The following DLK1 variants were observed in gnomAD, a reference collection of about 807,000 sequenced individuals.
DLK1 encodes delta like non-canonical Notch ligand 1, also known as protein delta homolog 1.
Under a neutral mutation model 35.2 loss-of-function variants are expected in DLK1, and 9 were observed. The ratio of observed to expected loss-of-function variants is 0.26; its 90% CI spans 0.15 to 0.45. The LOEUF (loss-of-function observed/expected upper bound fraction) is 0.45. Ranked by LOEUF, DLK1 falls within the 20% of genes least tolerant of loss-of-function variation. DLK1 has a pLI of 1.00. For missense variants in DLK1, 522 were observed against 528.5 expected (o/e 0.99, Z 0.12); for synonymous variants, 231 against 228.4 (o/e 1.01, Z -0.10).
chr14:100,729,191 C>T (rs765672755), intron 3 of DLK1, 125 bp downstream of exon 3: 1 of 1,472,962 alleles, frequency 6.8e-7, no homozygotes, highest in Non-Finnish European at 9.3e-7. Flanking sequence ...ACTCCGTGCC[C>T]TGTATTCTAA....
At chr14:100,731,717 C>T (rs1358655787) in intron 3 of DLK1, among the ~76,000 whole-genome samples, 1 of 152,112 alleles carries the variant, frequency 6.6e-6, no homozygotes, top group East Asian at 1.9e-4. Flanking sequence ...CACGCTGTTG[C>T]AGGGAGGGGC....
At chr14:100,728,719 C>A in intron 2 of DLK1, 1 of 710,126 alleles carries the variant, frequency 1.4e-6, no homozygotes, top group Non-Finnish European at 2.3e-6. Flanking sequence ...CAGCACTCCC[C>A]CGGGATCTCG....
intron 3 of DLK1, among the ~76,000 whole-genome samples, chr14:100,730,722 AGGAGCCTGACGC>A (rs2036497208): frequency 6.6e-6 from 1 of 152,240 alleles, no homozygotes. Flanking sequence ...GCAGAGAATA[AGGAGCCTGACGC>A]GGAGGCGCCA....
At position 100,737,380 on chromosome 14, in the gene DLK1, TA is replaced by T. The variant is rs1432714950; in HGVS notation, c.*2486del. The stretch of plus-strand genomic sequence containing the variant: ...AGCGTGAGACCTGGACTGAGCCTGC[TA>T]ACGATTCTGTTCCTCAGTTTCCCCA... On this transcript the variant is annotated 3_prime_UTR_variant, in exon 5 of 5. Coordinates refer to ENST00000341267, the MANE Select transcript of DLK1 (RefSeq NM_003836.7). 6.6e-6 allele frequency: 1 copy of T among 152,054 alleles called. No homozygotes were observed. Among genetic ancestry groups the T allele is most frequent in the African/African-American group, 2.4e-5 (1 of 41,416 alleles). 9.4% of individuals were successfully genotyped at this position (152,054 alleles called of 1,614,324 possible). A position where few individuals can be genotyped will look rare whatever the true frequency, so the allele number is the denominator to read the frequency against.
Position 100,726,979 on chromosome 14 carries a change from T to G in DLK1, c.-90T>G. On this transcript the variant is annotated 5_prime_UTR_variant, in exon 1 of 5. Coordinates refer to ENST00000341267, the MANE Select transcript of DLK1 (RefSeq NM_003836.7). The surrounding 1 kb of genome is among the most constrained non-coding windows in gnomAD (Gnocchi z 4.2). ...CCCTCGCTGCGCGCCCGCGCCCCCTTTCGCGTCCGCAACCAGAAGCCCAGT... is the reference window on the plus strand; with the variant it reads ...CCCTCGCTGCGCGCCCGCGCCCCCTGTCGCGTCCGCAACCAGAAGCCCAGT... The G allele has an allele frequency of 1.6e-6, 2 of 1,290,118 alleles. No homozygotes were observed. Among genetic ancestry groups the G allele is most frequent in the Non-Finnish European group, 2.0e-6 (2 of 990,522 alleles). 79.9% of individuals were successfully genotyped at this position (1,290,118 alleles called of 1,614,324 possible). A position where few individuals can be genotyped will look rare whatever the true frequency, so the allele number is the denominator to read the frequency against.
chr14:100,728,426 A>T lies in DLK1; in HGVS notation c.98A>T (p.Gln33Leu), dbSNP rs2036462499. The T allele has an allele frequency of 1.2e-6, 2 of 1,613,828 alleles. No individual in the cohort carries two copies. The highest frequency in any genetic ancestry group is 2.2e-5 in the South Asian group (2 of 91,076). ...GAATGCTTCCCGGCCTGCAACCCCC[A>T]AAATGGATTCTGCGAGGATGACAAT... ...GAECFPACNP[Q>L]NGFCEDDNVC... The change falls in exon 2 of 5, where the codon CAA (glutamine) becomes CTA (leucine). Residue 33 changes from glutamine (Q) to leucine (L), a missense_variant. Physicochemically the swap from Gln to Leu is moderately radical, Grantham distance 113. Coordinates refer to ENST00000341267, the MANE Select transcript of DLK1 (RefSeq NM_003836.7).
rs1390757476 is a variant in DLK1 at position 100,734,960 on chromosome 14, T to C, written c.*64T>C. ...CGCAGAGCTTACTATACGCGGTCTG[T>C]CCTAATCTTTGTGGTGTTCGCTATC... On this transcript the variant is annotated 3_prime_UTR_variant, in exon 5 of 5. Transcript: ENST00000341267. This position sits in a 1 kb window ranked among gnomAD's most constrained non-coding sequence, Gnocchi z 7.4. 15 of 1,502,488 alleles carry C rather than the reference T, an allele frequency of 1.0e-5. No homozygotes were observed. Among genetic ancestry groups the C allele is most frequent in the Non-Finnish European group, 1.3e-5 (15 of 1,132,532 alleles). The allele number at this position is 1,502,488 out of a possible 1,614,324, so 93.1% of individuals were successfully genotyped here.
rs2036544561 is a variant in DLK1, at chr14:100,734,332, C to T, written c.588C>T (p.Cys196=). The T allele has an allele frequency of 1.2e-6, 2 of 1,613,094 alleles. No homozygotes were observed. Among genetic ancestry groups the T allele is most frequent in the East Asian group, 4.5e-5 (2 of 44,870 alleles). The change falls in exon 5 of 5, where the codon TGC becomes TGT. Residue 196 remains cysteine, a synonymous_variant. Coordinates refer to ENST00000341267, the MANE Select transcript of DLK1 (RefSeq NM_003836.7). This position sits in a 1 kb window ranked among gnomAD's most constrained non-coding sequence, Gnocchi z 7.4. The part of the protein sequence containing the change: ...TDIGGDFRCR[C]PAGFIDKTCS... ...TTGGGGGCGACTTCCGCTGCCGGTG[C>T]CCAGCCGGCTTCATCGACAAGACCT...
intron 2 of DLK1, 152 bp downstream of exon 2, chr14:100,728,611 G>C: frequency 3.6e-6 from 1 of 278,108 alleles, no homozygotes; most frequent in Non-Finnish European, 7.0e-6. Flanking sequence ...GCGAGCTGGG[G>C]AGATGGGGGG....
In DLK1 at chr14:100,727,089, C is replaced by T; in HGVS notation, c.21C>T (p.Leu7=). The part of the protein sequence containing the change: MTATEA[L]LRVLLLLLAF... Reference sequence around the variant, plus strand: ...CAGAGATGACCGCGACCGAAGCCCTCCTGCGCGTCCTCTTGCTCCTGCTGG... The same window carrying T: ...CAGAGATGACCGCGACCGAAGCCCTTCTGCGCGTCCTCTTGCTCCTGCTGG... The change falls in exon 1 of 5, where the codon CTC becomes CTT. Residue 7 remains leucine (L), a synonymous_variant. Coordinates refer to ENST00000341267, the MANE Select transcript of DLK1 (RefSeq NM_003836.7). 1 of 1,593,732 alleles carries T rather than the reference C, an allele frequency of 6.3e-7. No homozygotes were observed. Among genetic ancestry groups the T allele is most frequent in the Non-Finnish European group, 8.5e-7 (1 of 1,171,348 alleles).
Position 100,734,151 on chromosome 14 carries a change from C to T in DLK1, c.407C>T (p.Ser136Phe). 6.2e-7 allele frequency: 1 copy of T among 1,600,124 alleles called. No individual in the cohort carries two copies. The highest frequency in any genetic ancestry group is 2.2e-5 in the East Asian group (1 of 44,792). The part of the protein sequence containing the change: ...KKDGPCVING[S>F]PCQHGGTCVD... ...ACTATGTCCCTGTTGTGTTGCAGCTCCCCCTGCCAGCACGGAGGCACCTGC... is the reference window on the plus strand; with the variant it reads ...ACTATGTCCCTGTTGTGTTGCAGCTTCCCCTGCCAGCACGGAGGCACCTGC... Residue 136 changes from serine to phenylalanine, a missense_variant and splice_region_variant, in exon 5 of 5, where the codon TCC (serine) becomes TTC (phenylalanine). Ser to Phe is a radical substitution (Grantham distance 155, BLOSUM62 -2). Transcript: ENST00000341267. This position sits in a 1 kb window ranked among gnomAD's most constrained non-coding sequence, Gnocchi z 7.4.
At position 100,738,182 on chromosome 14, in the gene DLK1, C is replaced by CA. The variant is rs1488630206; in HGVS notation, c.*3293dup. 5 of 152,226 alleles carry CA rather than the reference C, an allele frequency of 3.3e-5. No homozygotes were observed. Among genetic ancestry groups the CA allele is most frequent in the Middle Eastern group, 3.4e-3 (1 of 294 alleles). The allele number at this position is 152,226 out of a possible 1,614,324, so 9.4% of individuals were successfully genotyped here. On this transcript the variant is annotated 3_prime_UTR_variant, in exon 5 of 5. Transcript: ENST00000341267. ...CCCGTTTACTACCAGTCCAGACATG[C>CA]AAAAAAACCTTGTTTATTGAAAAAT... is the stretch of plus-strand genomic sequence containing the variant.
chr14:100,729,560 C>A lies in DLK1; in HGVS notation c.262+494C>A, dbSNP rs532863939. ...TTGAGGGGCAGGTGCTGAGTCAGGGCCAGGAGGACAGGGCTGGGGGGCCTG... is the reference window on the plus strand; with the variant it reads ...TTGAGGGGCAGGTGCTGAGTCAGGGACAGGAGGACAGGGCTGGGGGGCCTG... On this transcript the variant is annotated intron_variant, in intron 3 of 4. Coordinates refer to ENST00000341267, the MANE Select transcript of DLK1 (RefSeq NM_003836.7). Among the ~76,000 whole-genome samples, 6 of 150,930 alleles carry A rather than the reference C, an allele frequency of 4.0e-5. No homozygotes were observed. The South Asian group carries it at 6.3e-4, about 16-fold the overall frequency.
chr14:100,730,000 T>A (rs1198532828), intron 3 of DLK1, among the ~76,000 whole-genome samples: 3 of 152,038 alleles, frequency 2.0e-5, no homozygotes, highest in Non-Finnish European at 4.4e-5. Flanking sequence ...AGAAAGAGAG[T>A]TAATTTTTAT....
rs755998526 is a variant in DLK1 at position 100,734,678 on chromosome 14, G to A, written c.934G>A (p.Val312Met). 5.0e-6 allele frequency: 8 copies of A among 1,614,074 alleles called. No homozygotes were observed. The highest frequency in any genetic ancestry group is 4.4e-5 in the South Asian group (4 of 91,084). Residue 312 changes from valine to methionine, a missense_variant, in exon 5 of 5, where the codon GTG (valine) becomes ATG (methionine). Coordinates refer to ENST00000341267, the MANE Select transcript of DLK1 (RefSeq NM_003836.7). The surrounding 1 kb of genome is among the most constrained non-coding windows in gnomAD (Gnocchi z 7.4). ...GGCCATCTGCTTCACCATCCTGGGCGTGCTCACCAGCCTGGTGGTGCTGGG... is the reference window on the plus strand; with the variant it reads ...GGCCATCTGCTTCACCATCCTGGGCATGCTCACCAGCCTGGTGGTGCTGGG... ...GQAICFTILGVLTSLVVLGTV... is the reference protein window; with the variant it reads ...GQAICFTILGMLTSLVVLGTV...
At chr14:100,729,127 C>T in intron 3 of DLK1, 61 bp downstream of exon 3, 1 of 1,606,358 alleles carries the variant, frequency 6.2e-7, no homozygotes, top group Non-Finnish European at 8.5e-7. Flanking sequence ...CTAGCCCCTA[C>T]CACCTCCTCC....
At position 100,732,075 on chromosome 14, in the gene DLK1, A is replaced by C; in HGVS notation, c.296A>C (p.Asn99Thr). ...VRACSSAPCA[N>T]NRTCVSLDDG... Reference sequence around the variant, plus strand: ...GCCTGCTCCTCGGCCCCCTGTGCCAACAACAGGACCTGCGTGAGCCTGGAC... The same window carrying C: ...GCCTGCTCCTCGGCCCCCTGTGCCACCAACAGGACCTGCGTGAGCCTGGAC... Residue 99 changes from asparagine to threonine, a missense_variant, in exon 4 of 5, where the codon AAC becomes ACC. Coordinates refer to ENST00000341267, the MANE Select transcript of DLK1 (RefSeq NM_003836.7). The C allele has an allele frequency of 6.2e-7, 1 of 1,613,948 alleles. No homozygotes were observed.
At position 100,734,922 on chromosome 14, in the gene DLK1, A is replaced by T. The variant is rs58929007; in HGVS notation, c.*26A>T. 1 of 1,541,548 alleles carries T rather than the reference A, an allele frequency of 6.5e-7. No homozygotes were observed. The highest frequency in any genetic ancestry group is 2.3e-5 in the East Asian group (1 of 44,336). On this transcript the variant is annotated 3_prime_UTR_variant, in exon 5 of 5. Coordinates refer to ENST00000341267, the MANE Select transcript of DLK1 (RefSeq NM_003836.7). This position sits in a 1 kb window ranked among gnomAD's most constrained non-coding sequence, Gnocchi z 7.4. ...GCAGCGTTCCCACAGCCCCCTCTAG[A>T]TTCTTGGAGTTCCGCAGAGCTTACT...
At position 100,734,272 on chromosome 14, in the gene DLK1, C is replaced by G; in HGVS notation, c.528C>G (p.Pro176=). The part of the protein sequence containing the change: ...FCEIVANSCT[P]NPCENDGVCT... ...AGATCGTGGCCAACAGCTGCACCCC[C>G]AACCCATGCGAGAACGACGGCGTCT... The change falls in exon 5 of 5, where the codon CCC becomes CCG. Residue 176 remains proline (P), a synonymous_variant. Coordinates refer to ENST00000341267, the MANE Select transcript of DLK1 (RefSeq NM_003836.7). This position sits in a 1 kb window ranked among gnomAD's most constrained non-coding sequence, Gnocchi z 7.4. 6.2e-7 allele frequency: 1 copy of G among 1,613,516 alleles called. No homozygotes were observed. The highest frequency in any genetic ancestry group is 8.5e-7 in the Non-Finnish European group (1 of 1,180,020).
Sources: allele counts gnomAD v4.1 joint callset (sites outside exome capture counted in the v4.1 genomes callset), GRCh38; gene constraint gnomAD v4.1.1; non-coding constraint Gnocchi (gnomAD v3.1); transcripts MANE v1.5; gene names NCBI Gene and HGNC (gene_info 2026-07-23, HGNC 2026-07-21).